The following CPXM2 variants were observed in gnomAD, a reference collection of about 807,000 sequenced individuals.
The protein encoded by CPXM2 is carboxypeptidase X, M14 family member 2, also known as inactive carboxypeptidase-like protein X2.
In CPXM2, 66 loss-of-function variants were observed where a neutral mutation model predicts 86.1. The ratio of observed to expected loss-of-function variants is 0.77; its 90% CI spans 0.63 to 0.94. The LOEUF (loss-of-function observed/expected upper bound fraction) is 0.94. Ranked by LOEUF, CPXM2 falls within the 40% of genes least tolerant of loss-of-function variation. The probability of loss-of-function intolerance (pLI) is 0.00; values close to 1 mark genes in which losing one functional copy is unlikely to be tolerated. For missense variants in CPXM2, 948 were observed against 1,026.3 expected (o/e 0.92, Z 1.04); for synonymous variants, 388 against 400.2 (o/e 0.97, Z 0.36).
At chr10:123,906,397 T>G (rs1945441724) in intron 2 of CPXM2, among the ~76,000 whole-genome samples, 2 of 152,098 alleles carry the variant, frequency 1.3e-5, no homozygotes, top group African/African-American at 4.8e-5. Flanking sequence ...CACAGTAGCC[T>G]CCTCACTCTC....
At chr10:123,761,452 G>A (rs894701141) in intron 11 of CPXM2, among the ~76,000 whole-genome samples, 11 of 152,138 alleles carry the variant, frequency 7.2e-5, no homozygotes, top group South Asian at 2.1e-4. Context: ...GGGCTCCAGC[G>A]CCAGCACCAG....
intron 13 of CPXM2, among the ~76,000 whole-genome samples, chr10:123,748,808 C>CT (rs1302933439): frequency 6.6e-6 from 1 of 152,078 alleles, no homozygotes; most frequent in Admixed American, 6.6e-5. Flanking sequence ...CCCTCAGGGT[C>CT]CCCACAGTCC....
chr10:123,824,091 A>G (rs1262126533), intron 4 of CPXM2, among the ~76,000 whole-genome samples: 1 of 152,224 alleles, frequency 6.6e-6, no homozygotes, highest in Non-Finnish European at 1.5e-5. Context: ...TTACACATTC[A>G]GAGCAGGACT....
intron 2 of CPXM2, among the ~76,000 whole-genome samples, chr10:123,911,619 C>G (rs1315874669): frequency 6.6e-6 from 1 of 151,954 alleles, no homozygotes; most frequent in African/African-American, 2.4e-5. Flanking sequence ...ATGAGAGAAG[C>G]TGAGAGACTT....
At chr10:123,854,395 T>TATAA (rs1564799036) in intron 3 of CPXM2, among the ~76,000 whole-genome samples, 6 of 116,758 alleles carry the variant, frequency 5.1e-5, no homozygotes, top group South Asian at 2.3e-4. Context: ...AATATATATA[T>TATAA]TATATATATA....
At chr10:123,895,733 A>T (rs1186596112), upstream of CPXM2, among the ~76,000 whole-genome samples, 1 of 152,180 alleles carries the variant, frequency 6.6e-6, no homozygotes, top group Non-Finnish European at 1.5e-5. Flanking sequence ...TTCTCCCTGG[A>T]TGTCAGCCGT....
At chr10:123,873,592 G>A (rs554277056) in intron 2 of CPXM2, among the ~76,000 whole-genome samples, 1 of 152,260 alleles carries the variant, frequency 6.6e-6, no homozygotes, top group East Asian at 1.9e-4. Flanking sequence ...AAAGAAGAAT[G>A]GGTCCTGCTC....
intron 2 of CPXM2, among the ~76,000 whole-genome samples, chr10:123,913,022 C>G (rs995900407): frequency 1.2e-4 from 18 of 152,232 alleles, no homozygotes; most frequent in African/African-American, 4.3e-4. Flanking sequence ...TCCCCGGGCT[C>G]TACTCTGCAG....
intron 9 of CPXM2, 47 bp downstream of exon 9, chr10:123,768,479 G>C: frequency 6.6e-7 from 1 of 1,507,776 alleles, no homozygotes; most frequent in Non-Finnish European, 9.1e-7. Flanking sequence ...TGGAGCTGGG[G>C]CCTCGCTGCC....
At chr10:123,863,711 T>C (rs1010552741) in intron 2 of CPXM2, among the ~76,000 whole-genome samples, 2 of 152,114 alleles carry the variant, frequency 1.3e-5, no homozygotes, top group Non-Finnish European at 2.9e-5. Flanking sequence ...TCATAGAACC[T>C]TCTCATGCTG....
chr10:123,896,025 C>G (rs985967096), upstream of CPXM2, among the ~76,000 whole-genome samples: 1 of 152,160 alleles, frequency 6.6e-6, no homozygotes, highest in African/African-American at 2.4e-5. Context: ...CCTTACACGG[C>G]TAATAATTTT....
At chr10:123,784,077 G>C (rs189441694) in intron 6 of CPXM2, among the ~76,000 whole-genome samples, 13 of 152,248 alleles carry the variant, frequency 8.5e-5, no homozygotes, top group Non-Finnish European at 1.8e-4. Flanking sequence ...CCCAGTGCTT[G>C]AGAGTGTGAC....
chr10:123,857,864 T>C lies in CPXM2; in HGVS notation c.513+4750A>G, dbSNP rs555838126. Among the ~76,000 whole-genome samples, 8 of 149,240 alleles carry C rather than the reference T, an allele frequency of 5.4e-5. No homozygotes were observed. In the East Asian group the frequency reaches 1.4e-3, roughly 26 times the overall value. The stretch of plus-strand genomic sequence containing the variant: ...GGTGCTGGTGCTGGGTCCCACAGAC[T>C]ATTCATAGACTCCACACTCACCCGT... On this transcript the variant is annotated intron_variant, in intron 3 of 13. Transcript: ENST00000241305.
intron 13 of CPXM2, among the ~76,000 whole-genome samples, chr10:123,747,947 G>A (rs1363998883): frequency 2.1e-5 from 3 of 145,220 alleles, no homozygotes; most frequent in Admixed American, 1.4e-4. Context: ...AAAAAGACAG[G>A]TTCTAGGCTG....
intron 3 of CPXM2, among the ~76,000 whole-genome samples, chr10:123,852,979 C>A: frequency 6.6e-6 from 1 of 152,162 alleles, no homozygotes; most frequent in East Asian, 1.9e-4. Context: ...GGATCTGTGT[C>A]CCTGCCCAAA....
intron 3 of CPXM2, among the ~76,000 whole-genome samples, chr10:123,857,069 C>T (rs1340473547): frequency 6.6e-6 from 1 of 152,140 alleles, no homozygotes; most frequent in African/African-American, 2.4e-5. Context: ...GAAGAATAAT[C>T]ATAGGTGAGG....
chr10:123,867,061 A>C (rs1303669612), intron 2 of CPXM2, among the ~76,000 whole-genome samples: 1 of 152,236 alleles, frequency 6.6e-6, no homozygotes, highest in African/African-American at 2.4e-5. Flanking sequence ...GGCTCAGATA[A>C]AACTACACAC....
chr10:123,895,121 C>CTTTTTTTTTTTTTTTTTTTTTT (rs869104432), upstream of CPXM2, among the ~76,000 whole-genome samples: 78 of 85,880 alleles, frequency 9.1e-4, no homozygotes, highest in Non-Finnish European at 1.2e-3. Context: ...TCTTTTTTTT[C>CTTTTTTTTTTTTTTTTTTTTTT]TTTTTTTTTT....
chr10:123,903,332 T>TGGATGCAAAGACCTTAAGAGCA (rs1945401888), intron 2 of CPXM2, among the ~76,000 whole-genome samples: 1 of 152,242 alleles, frequency 6.6e-6, no homozygotes, highest in Non-Finnish European at 1.5e-5. Flanking sequence ...GTTGGATGGC[T>TGGATGCAAAGACCTTAAGAGCA]GGATGCAAAG....
Sources: gnomAD v4.1 joint callset for allele counts (sites outside exome capture counted in the v4.1 genomes callset) on GRCh38, gnomAD v4.1.1 for gene constraint, MANE v1.5 for transcripts, NCBI Gene and HGNC (gene_info 2026-07-23, HGNC 2026-07-21) for gene names.